The following LOXHD1 variants were observed in gnomAD, a reference collection of about 807,000 sequenced individuals.
The protein encoded by LOXHD1 is lipoxygenase homology PLAT domains 1.
A neutral mutation model predicts 248.2 loss-of-function variants in LOXHD1; 205 were observed. The ratio of observed to expected loss-of-function variants is 0.83; its 90% CI spans 0.74 to 0.93. The LOEUF is 0.93. LOXHD1 is among the 40% of genes least tolerant of loss of function. LOXHD1 has a pLI of 0.00. For synonymous variants in LOXHD1, 1,113 were observed against 1,162.8 expected (o/e 0.96, Z 0.87); for missense variants, 2,930 against 2,971.6 (o/e 0.99, Z 0.33).
Position 46,485,107 on chromosome 18 carries a change from C to G in LOXHD1, c.6094G>C (p.Glu2032Gln), listed in dbSNP as rs1031751258. ...IETGNGGETR[E>Q]NVWLILEGRK... ...CCCTCCAGGATGAGCCAGACGTTCT[C>G]CCTGGTTTCGCCTCCGTTGCCCGTT... The change falls in exon 39 of 41, where the codon GAG becomes CAG. Residue 2032 changes from glutamate to glutamine, a missense_variant. Glu to Gln is a conservative substitution (Grantham distance 29, BLOSUM62 2). Coordinates refer to ENST00000642948, the MANE Select transcript of LOXHD1 (RefSeq NM_001384474.1). 6.5e-7 allele frequency: 1 copy of G among 1,550,328 alleles called. No homozygotes were observed. The highest frequency in any genetic ancestry group is 8.7e-7 in the Non-Finnish European group (1 of 1,146,632).
chr18:46,652,608 T>C (rs1205665020), intron 1 of LOXHD1, among the ~76,000 whole-genome samples: 1 of 152,184 alleles, frequency 6.6e-6, no homozygotes, highest in Non-Finnish European at 1.5e-5. Context: ...TACATGTAAA[T>C]TGATCCAAGC....
In LOXHD1 at chr18:46,566,378, G is replaced by A. The variant is rs876657493; in HGVS notation, c.2316C>T (p.Ile772=). Residue 772 remains isoleucine (I), a synonymous_variant, in exon 17 of 41, where the codon ATC becomes ATT. Transcript: ENST00000642948. ...ACTGCTTGCCTTGACGGGGCACACGGATCTGAACGCTGCCCAGGAACCAGC... is the reference window on the plus strand; with the variant it reads ...ACTGCTTGCCTTGACGGGGCACACGAATCTGAACGCTGCCCAGGAACCAGC... ...HASWFLGSVQ[I]RVPRQGKQYT... 3 of 1,551,672 alleles carry A rather than the reference G, an allele frequency of 1.9e-6. No individual in the cohort carries two copies. In the Admixed American group the frequency reaches 5.9e-5, roughly 30 times the overall value.
At chr18:46,495,094 TC>T (rs2033770306) in intron 37 of LOXHD1, among the ~76,000 whole-genome samples, 1 of 152,156 alleles carries the variant, frequency 6.6e-6, no homozygotes, top group African/African-American at 2.4e-5. Context: ...GACCTCGTGA[TC>T]CACCAGCCTC....
intron 2 of LOXHD1, among the ~76,000 whole-genome samples, chr18:46,642,449 C>CT (rs1475336059): frequency 1.3e-5 from 2 of 152,158 alleles, no homozygotes; most frequent in Admixed American, 1.3e-4. Flanking sequence ...GCCTTCTTGC[C>CT]ACTCCCCATC....
At chr18:46,624,458 TGTGCCG>T (rs1277977270) in intron 4 of LOXHD1, among the ~76,000 whole-genome samples, 2 of 152,200 alleles carry the variant, frequency 1.3e-5, no homozygotes, top group South Asian at 2.1e-4. Context: ...GACAATGCCA[TGTGCCG>T]GTGCCGGAAG....
At chr18:46,490,631 A>G (rs1264065188) in intron 37 of LOXHD1, among the ~76,000 whole-genome samples, 1 of 151,998 alleles carries the variant, frequency 6.6e-6, no homozygotes, top group Non-Finnish European at 1.5e-5. Context: ...ATGCACCACC[A>G]CACCTGGCTA....
intron 14 of LOXHD1, among the ~76,000 whole-genome samples, chr18:46,576,376 C>T (rs1039376251): frequency 2.6e-5 from 4 of 152,096 alleles, no homozygotes; most frequent in Non-Finnish European, 5.9e-5. Context: ...ACACTCCACC[C>T]TCTCCCACCC....
chr18:46,543,002 C>G (rs1045167600), intron 23 of LOXHD1, 147 bp from the exon 24 acceptor site: 1 of 1,168,114 alleles, frequency 8.6e-7, no homozygotes, highest in African/African-American at 1.6e-5. Context: ...CATTGGCCAC[C>G]TTTGCACAGT....
intron 12 of LOXHD1, among the ~76,000 whole-genome samples, chr18:46,584,015 C>CA (rs921349781): frequency 2.0e-5 from 3 of 151,808 alleles, no homozygotes; most frequent in Admixed American, 2.0e-4. Context: ...GATTCAGCCA[C>CA]AAAAAAAGGA....
chr18:46,619,934 A>G (rs1246388587), intron 4 of LOXHD1, among the ~76,000 whole-genome samples: 1 of 152,216 alleles, frequency 6.6e-6, no homozygotes, highest in Non-Finnish European at 1.5e-5. Flanking sequence ...CTCTTGCTTT[A>G]CAGTGAAGAT....
intron 21 of LOXHD1, chr18:46,556,906 C>G (rs1352190512): frequency 3.2e-6 from 1 of 309,952 alleles, no homozygotes; most frequent in East Asian, 7.2e-5. Context: ...AGCCAGCCCA[C>G]CCTCACCCTC....
intron 18 of LOXHD1, among the ~76,000 whole-genome samples, chr18:46,561,694 A>G (rs1296292629): frequency 6.6e-6 from 1 of 152,018 alleles, no homozygotes; most frequent in Non-Finnish European, 1.5e-5. Flanking sequence ...TCATGAGTCC[A>G]CAATGCAGTC....
Position 46,505,964 on chromosome 18 carries a change from T to C in LOXHD1, c.5752A>G (p.Thr1918Ala). 6.4e-7 allele frequency: 1 copy of C among 1,552,192 alleles called. No homozygotes were observed. The highest frequency in any genetic ancestry group is 8.7e-7 in the Non-Finnish European group (1 of 1,147,094). ...TTTGCCGACTGCTTCAGGGCCAGTG[T>C]CCCACTATCCCCGTTCTCCCCGAAG... ...IIFGENGDSG[T>A]LALKQSANWN... The change falls in exon 37 of 41, where the codon ACA becomes GCA. Residue 1918 changes from threonine to alanine, a missense_variant. By Grantham distance (58) the Thr-to-Ala change is moderately conservative. Transcript: ENST00000642948.
At chr18:46,512,418 A>G (rs2035021047) in intron 34 of LOXHD1, among the ~76,000 whole-genome samples, 1 of 151,760 alleles carries the variant, frequency 6.6e-6, no homozygotes. Flanking sequence ...AGACACCCCC[A>G]TTTCTTCTCC....
At chr18:46,478,420 A>C (rs2032230455) in intron 40 of LOXHD1, among the ~76,000 whole-genome samples, 1 of 152,094 alleles carries the variant, frequency 6.6e-6, no homozygotes, top group South Asian at 2.1e-4. Context: ...CCCTCCTGCT[A>C]CTTGGGTCCA....
chr18:46,527,122 T>A (rs2035862852), intron 29 of LOXHD1, among the ~76,000 whole-genome samples: 1 of 150,382 alleles, frequency 6.6e-6, no homozygotes, highest in Non-Finnish European at 1.5e-5. Flanking sequence ...ACATAACAAT[T>A]GCTGAGAGAG....
intron 40 of LOXHD1, among the ~76,000 whole-genome samples, chr18:46,480,203 C>T (rs939527553): frequency 2.0e-5 from 3 of 152,144 alleles, no homozygotes; most frequent in Non-Finnish European, 1.5e-5. Flanking sequence ...CTTTTCTAAA[C>T]GTACTTTTTT....
intron 34 of LOXHD1, among the ~76,000 whole-genome samples, chr18:46,515,803 C>T (rs1366648580): frequency 7.9e-5 from 12 of 152,206 alleles, no homozygotes; most frequent in Admixed American, 7.9e-4. Flanking sequence ...GCGACCATCC[C>T]AAGAAACCAC....
At chr18:46,652,231 G>C (rs747014002) in intron 1 of LOXHD1, among the ~76,000 whole-genome samples, 1 of 152,158 alleles carries the variant, frequency 6.6e-6, no homozygotes, top group African/African-American at 2.4e-5. Context: ...TCAGAAGTAG[G>C]GGGGACTGAC....
Sources: gnomAD v4.1 joint callset for allele counts (sites outside exome capture counted in the v4.1 genomes callset) on GRCh38, gnomAD v4.1.1 for gene constraint, MANE v1.5 for transcripts, NCBI Gene and HGNC (gene_info 2026-07-23, HGNC 2026-07-21) for gene names.